Variants in CHD5 observed in about 807,000 individuals in gnomAD.
The protein encoded by CHD5 is ATP-dependent chromatin remodeler CHD5.
CHD5 carries 69 observed loss-of-function variants against 230.3 expected under a neutral mutation model. The ratio of observed to expected loss-of-function variants is 0.30; its 90% CI spans 0.25 to 0.37. The LOEUF is 0.37. Ranked by LOEUF, CHD5 falls within the 10% of genes least tolerant of loss-of-function variation. The pLI is 1.00. For synonymous variants in CHD5, 1,064 were observed against 1,065.9 expected (o/e 1.00, Z 0.03); for missense variants, 1,827 against 2,622.8 (o/e 0.70, Z 6.63).
chr1:6,170,302 G>A lies in CHD5; in HGVS notation c.80-2025C>T, dbSNP rs150830233. ...CCCTCCACACAGGCCCCCACCGCCC[G>A]GCCTGGGACCCCCAGAGAGTCCTAA... On this transcript the variant is annotated intron_variant, in intron 1 of 41. Transcript: ENST00000262450. Among the ~76,000 whole-genome samples the A allele has an allele frequency of 6.7e-3, 1,024 of 152,170 alleles. 13 individuals carry two copies. The highest frequency in any genetic ancestry group is 0.023 in the African/African-American group (973 of 41,530).
At chr1:6,171,081 G>A (rs936099767) in intron 1 of CHD5, among the ~76,000 whole-genome samples, 1 of 152,256 alleles carries the variant, frequency 6.6e-6, no homozygotes, top group African/African-American at 2.4e-5. Context: ...TTCCGGCAGG[G>A]TGGTCCCAGA....
chr1:6,149,538 G>T lies in CHD5; in HGVS notation c.995-126C>A. 3 of 883,668 alleles carry T rather than the reference G, an allele frequency of 3.4e-6. No individual in the cohort carries two copies. The South Asian group carries it at 7.5e-5, about 22-fold the overall frequency. The allele number at this position is 883,668 out of a possible 1,614,324, so 54.7% of individuals were successfully genotyped here. A position where few individuals can be genotyped will look rare whatever the true frequency, so the allele number is the denominator to read the frequency against. ...ATAGAGGGTGGATGGAAAGGTGGGT[G>T]GGTGAATAGACTGATGGTTGAGGTG... On this transcript the variant is annotated intron_variant, in intron 7 of 41. Coordinates refer to ENST00000262450, the MANE Select transcript of CHD5 (RefSeq NM_015557.3).
chr1:6,180,066 C>G lies in CHD5; in HGVS notation c.-43G>C, dbSNP rs746274980. 2,484 of 1,139,996 alleles carry G rather than the reference C, an allele frequency of 2.2e-3. 8 individuals are homozygous for G. Among genetic ancestry groups the G allele is most frequent in the Non-Finnish European group, 2.6e-3 (2,305 of 894,760 alleles). 70.6% of individuals were successfully genotyped at this position (1,139,996 alleles called of 1,614,324 possible). A position where few individuals can be genotyped will look rare whatever the true frequency, so the allele number is the denominator to read the frequency against. ...GGGGAGGTGGGCGCCCCCCCTCCCG[C>G]CGGGCGCGGTGCCAGCCTTAACCCG... On this transcript the variant is annotated 5_prime_UTR_variant, in exon 1 of 42. Transcript: ENST00000262450.
At chr1:6,118,010 T>G (rs577671248) in intron 33 of CHD5, among the ~76,000 whole-genome samples, 6 of 151,890 alleles carry the variant, frequency 4.0e-5, no homozygotes, top group Non-Finnish European at 8.8e-5. Flanking sequence ...AGCCAAAAAG[T>G]GGAAACAACT....
intron 25 of CHD5, among the ~76,000 whole-genome samples, chr1:6,127,545 G>A (rs963754143): frequency 6.6e-6 from 1 of 152,148 alleles, no homozygotes; most frequent in Non-Finnish European, 1.5e-5. Context: ...CCAGGTGCAG[G>A]GCCGAGATGC....
In CHD5 at chr1:6,126,890, C is replaced by T. The variant is rs897829670; in HGVS notation, c.3904-144G>A. On this transcript the variant is annotated intron_variant, in intron 25 of 41. Coordinates refer to ENST00000262450, the MANE Select transcript of CHD5 (RefSeq NM_015557.3). The surrounding 1 kb of genome is among the most constrained non-coding windows in gnomAD (Gnocchi z 5.7). ...GCCTGCCTACTCCAGGAAGCCTTCT[C>T]TGATCACCCCGGCCCTAGCTAGCTT... 21 of 681,422 alleles carry T rather than the reference C, an allele frequency of 3.1e-5. No individual in the cohort carries two copies. The African/African-American group carries it at 3.6e-4, about 12-fold the overall frequency. The allele number at this position is 681,422 out of a possible 1,614,324, so 42.2% of individuals were successfully genotyped here. A position where few individuals can be genotyped will look rare whatever the true frequency, so the allele number is the denominator to read the frequency against.
intron 7 of CHD5, 93 bp downstream of exon 7, chr1:6,150,939 C>G: frequency 7.4e-7 from 1 of 1,354,830 alleles, no homozygotes; most frequent in Middle Eastern, 2.0e-4. Context: ...CACATCCACC[C>G]GGCAGGCCGA....
At chr1:6,162,355 C>T (rs1453191096) in intron 2 of CHD5, among the ~76,000 whole-genome samples, 1 of 151,446 alleles carries the variant, frequency 6.6e-6, no homozygotes, top group Non-Finnish European at 1.5e-5. Flanking sequence ...CATTGTACTC[C>T]AGCCTGGGTA....
Position 6,124,971 on chromosome 1 carries a change from G to A in CHD5, c.4394+129C>T. 1.4e-5 allele frequency: 14 copies of A among 1,003,494 alleles called. No homozygotes were observed. In the South Asian group the frequency reaches 2.4e-4, roughly 17 times the overall value. 62.2% of individuals were successfully genotyped at this position (1,003,494 alleles called of 1,614,324 possible). On this transcript the variant is annotated intron_variant, in intron 29 of 41. Coordinates refer to ENST00000262450, the MANE Select transcript of CHD5 (RefSeq NM_015557.3). ...GACTCTAGCCACCCAAAGTCCAAGT[G>A]GCAGTGAACTTTCCAGACGGCCTCA...
In CHD5 at chr1:6,102,798, G is replaced by A. The variant is rs530063981; in HGVS notation, c.*2676C>T. On this transcript the variant is annotated 3_prime_UTR_variant, in exon 42 of 42. Coordinates refer to ENST00000262450, the MANE Select transcript of CHD5 (RefSeq NM_015557.3). Reference sequence around the variant, plus strand: ...AGTTTGCAAAAAACGCAGGAGCTTCGGAAGGTGGCTTTCACGGGGGACGCT... The same window carrying A: ...AGTTTGCAAAAAACGCAGGAGCTTCAGAAGGTGGCTTTCACGGGGGACGCT... 1.6e-4 allele frequency: 25 copies of A among 152,344 alleles called. No individual in the cohort carries two copies. Among genetic ancestry groups the A allele is most frequent in the Non-Finnish European group, 2.6e-4 (18 of 68,044 alleles). The allele number at this position is 152,344 out of a possible 1,614,324, so 9.4% of individuals were successfully genotyped here.
intron 36 of CHD5, among the ~76,000 whole-genome samples, chr1:6,111,457 C>T (rs200061129): frequency 6.6e-6 from 1 of 151,646 alleles, no homozygotes; most frequent in African/African-American, 2.4e-5. Flanking sequence ...TCGCTTGAAC[C>T]CGGGAGGCAG....
chr1:6,104,675 C>G lies in CHD5; in HGVS notation c.*799G>C, dbSNP rs1666132326. 1 of 148,286 alleles carries G rather than the reference C, an allele frequency of 6.7e-6. No homozygotes were observed. The highest frequency in any genetic ancestry group is 2.4e-5 in the African/African-American group (1 of 40,828). 9.2% of individuals were successfully genotyped at this position (148,286 alleles called of 1,614,324 possible). A position where few individuals can be genotyped will look rare whatever the true frequency, so the allele number is the denominator to read the frequency against. On this transcript the variant is annotated 3_prime_UTR_variant, in exon 42 of 42. Coordinates refer to ENST00000262450, the MANE Select transcript of CHD5 (RefSeq NM_015557.3). ...TACGCTTCTGCCTGCTGTGAAGAGC[C>G]GGGGCCACAGGCCCCCCACTGGTAA... is the stretch of plus-strand genomic sequence containing the variant.
At chr1:6,132,939 G>C (rs1666681260) in intron 20 of CHD5, among the ~76,000 whole-genome samples, 1 of 149,684 alleles carries the variant, frequency 6.7e-6, no homozygotes, top group Admixed American at 6.7e-5. Context: ...CTGTCACTCA[G>C]ACTGGAGTGA....
intron 40 of CHD5, 32 bp downstream of exon 40, chr1:6,106,363 G>A (rs984534735): frequency 3.7e-6 from 6 of 1,610,686 alleles, no homozygotes; most frequent in African/African-American, 1.3e-5. Flanking sequence ...GGGCACCCGT[G>A]TGCATGCTGC....
rs1666470543 is a variant in CHD5, at chr1:6,121,506, G to A, written c.4767C>T (p.Pro1589=). Residue 1589 remains proline, a synonymous_variant, in exon 32 of 42, where the codon CCC becomes CCT. Coordinates refer to ENST00000262450, the MANE Select transcript of CHD5 (RefSeq NM_015557.3). The surrounding 1 kb of genome is among the most constrained non-coding windows in gnomAD (Gnocchi z 4.5). ...KDPGAQKPRQ[P]LEVQALPAAL... ...GCAAGTTCCACACCTGGACTTCCAG[G>A]GGCTGCCTTGGCTTCTGTGCCCCGG... 6.2e-7 allele frequency: 1 copy of A among 1,612,306 alleles called. No homozygotes were observed. The highest frequency in any genetic ancestry group is 1.3e-5 in the African/African-American group (1 of 75,044).
At chr1:6,161,637 C>T (rs1029094009) in intron 2 of CHD5, among the ~76,000 whole-genome samples, 27 of 152,184 alleles carry the variant, frequency 1.8e-4, no homozygotes, top group Non-Finnish European at 3.1e-4. Context: ...AGCCACGGCT[C>T]CCAAGCTCGG....
Position 6,134,611 on chromosome 1 carries a change from A to G in CHD5, c.3012+107T>C. The G allele has an allele frequency of 8.2e-7, 1 of 1,215,936 alleles. No homozygotes were observed. The highest frequency in any genetic ancestry group is 1.2e-6 in the Non-Finnish European group (1 of 834,442). 75.3% of individuals were successfully genotyped at this position (1,215,936 alleles called of 1,614,324 possible). A position where few individuals can be genotyped will look rare whatever the true frequency, so the allele number is the denominator to read the frequency against. On this transcript the variant is annotated intron_variant, in intron 19 of 41. Coordinates refer to ENST00000262450, the MANE Select transcript of CHD5 (RefSeq NM_015557.3). This position sits in a 1 kb window ranked among gnomAD's most constrained non-coding sequence, Gnocchi z 6.3. ...CATGACAGCCACAGAAATCGCCACA[A>G]TGGCCAGGAGAACCTATCACAGCGG...
chr1:6,165,059 A>G (rs1336796535), intron 2 of CHD5, among the ~76,000 whole-genome samples: 1 of 152,186 alleles, frequency 6.6e-6, no homozygotes, highest in Non-Finnish European at 1.5e-5. Flanking sequence ...GACAAAAACA[A>G]AAACATATTG....
At chr1:6,150,951 A>C in intron 7 of CHD5, 81 bp downstream of exon 7, 1 of 1,385,870 alleles carries the variant, frequency 7.2e-7, no homozygotes, top group Non-Finnish European at 9.5e-7. Flanking sequence ...GCAGGCCGAG[A>C]ACCGTCCAGA....
Sources: allele counts gnomAD v4.1 joint callset (sites outside exome capture counted in the v4.1 genomes callset), GRCh38; gene constraint gnomAD v4.1.1; non-coding constraint Gnocchi (gnomAD v3.1); transcripts MANE v1.5; gene names NCBI Gene and HGNC (gene_info 2026-07-23, HGNC 2026-07-21).